Variants in PDS5B observed in about 807,000 individuals in gnomAD.
PDS5B encodes the protein sister chromatid cohesion protein PDS5 homolog B.
In PDS5B, 51 loss-of-function variants were observed where a neutral mutation model predicts 184.1. The ratio of observed to expected loss-of-function variants is 0.28; its 90% CI spans 0.22 to 0.35. The LOEUF (loss-of-function observed/expected upper bound fraction) is 0.35. Ranked by LOEUF, PDS5B falls within the 10% of genes least tolerant of loss-of-function variation. The pLI, the probability that PDS5B is intolerant of heterozygous loss-of-function variation, is 1.00. For synonymous variants in PDS5B, 566 were observed against 569.2 expected (o/e 0.99, Z 0.08); for missense variants, 1,180 against 1,723.3 (o/e 0.68, Z 5.58).
rs528584710 is a variant in PDS5B, at chr13:32,732,869, G to A, written c.2247+645G>A. Among the ~76,000 whole-genome samples the A allele has an allele frequency of 2.0e-5, 3 of 152,196 alleles. No individual in the cohort carries two copies. In the East Asian group the frequency reaches 5.8e-4, roughly 29 times the overall value. ...AATTTTAGTTCAAGAGCCTTGAGTA[G>A]AGTCAAAACAATTTAGAAATTATTC... On this transcript the variant is annotated intron_variant, in intron 20 of 34. Coordinates refer to ENST00000315596, the MANE Select transcript of PDS5B (RefSeq NM_015032.4).
intron 1 of PDS5B, among the ~76,000 whole-genome samples, chr13:32,592,846 G>C (rs2057798010): frequency 6.6e-6 from 1 of 152,162 alleles, no homozygotes; most frequent in Admixed American, 6.5e-5. Flanking sequence ...AGTCAAGACA[G>C]CTTGGGTTTT....
intron 1 of PDS5B, among the ~76,000 whole-genome samples, chr13:32,607,850 C>T (rs1220404539): frequency 6.6e-6 from 1 of 152,216 alleles, no homozygotes; most frequent in Non-Finnish European, 1.5e-5. Flanking sequence ...GGGTGTGGGA[C>T]CCGCTGAGCC....
At chr13:32,753,859 A>T (rs576810385) in intron 25 of PDS5B, among the ~76,000 whole-genome samples, 1 of 152,298 alleles carries the variant, frequency 6.6e-6, no homozygotes, top group East Asian at 1.9e-4. Flanking sequence ...GGAAAAAAGT[A>T]CAAGACTTTG....
intron 24 of PDS5B, among the ~76,000 whole-genome samples, chr13:32,748,773 A>G (rs183999522): frequency 3.8e-4 from 58 of 152,298 alleles, no homozygotes; most frequent in Non-Finnish European, 6.8e-4. Context: ...AAGAGCCTAT[A>G]TAAGTGTTAA....
intron 31 of PDS5B, among the ~76,000 whole-genome samples, chr13:32,766,009 A>G (rs1002123387): frequency 6.6e-6 from 1 of 152,250 alleles, no homozygotes; most frequent in African/African-American, 2.4e-5. Flanking sequence ...AGAATTGATC[A>G]CTTAGCTTGG....
At chr13:32,739,048 T>C (rs1212598077) in intron 21 of PDS5B, among the ~76,000 whole-genome samples, 3 of 152,222 alleles carry the variant, frequency 2.0e-5, no homozygotes, top group African/African-American at 7.2e-5. Flanking sequence ...TTACATCTTA[T>C]TTAAGAAATC....
At chr13:32,774,254 G>T (rs1954885753) in intron 34 of PDS5B, among the ~76,000 whole-genome samples, 1 of 152,142 alleles carries the variant, frequency 6.6e-6, no homozygotes, top group Non-Finnish European at 1.5e-5. Context: ...CTCAGAATTG[G>T]TCTCTGCTGT....
chr13:32,705,133 T>C (rs1951971176), intron 17 of PDS5B, among the ~76,000 whole-genome samples: 1 of 152,206 alleles, frequency 6.6e-6, no homozygotes, highest in South Asian at 2.1e-4. Context: ...TGGCCTTTTT[T>C]TGTAGTCCAT....
intron 23 of PDS5B, among the ~76,000 whole-genome samples, chr13:32,744,361 A>AT (rs1953670781): frequency 6.6e-6 from 1 of 152,110 alleles, no homozygotes; most frequent in Admixed American, 6.6e-5. Flanking sequence ...TGGAATAAGA[A>AT]TTTTTTCTGG....
chr13:32,686,774 C>T (rs1034325175), intron 11 of PDS5B, among the ~76,000 whole-genome samples: 1 of 150,220 alleles, frequency 6.7e-6, no homozygotes, highest in African/African-American at 2.5e-5. Context: ...AACAGAGATC[C>T]TGTCTCTAAA....
At chr13:32,606,323 T>A (rs920611284) in intron 1 of PDS5B, among the ~76,000 whole-genome samples, 3 of 152,212 alleles carry the variant, frequency 2.0e-5, no homozygotes, top group African/African-American at 7.2e-5. Context: ...CCTTCACTTA[T>A]GAAGCTTAGT....
chr13:32,775,158 C>T lies in PDS5B; in HGVS notation c.*106C>T. 1 of 931,542 alleles carries T rather than the reference C, an allele frequency of 1.1e-6. No homozygotes were observed. The allele number at this position is 931,542 out of a possible 1,614,324, so 57.7% of individuals were successfully genotyped here. ...AAAGCCTTTGATGCACAAAATGGGA[C>T]TGCTGAAGAGTGGACAGTTGGACCT... On this transcript the variant is annotated 3_prime_UTR_variant, in exon 35 of 35. Transcript: ENST00000315596.
At chr13:32,726,796 A>G (rs922476187) in intron 19 of PDS5B, among the ~76,000 whole-genome samples, 3 of 152,012 alleles carry the variant, frequency 2.0e-5, no homozygotes, top group Non-Finnish European at 4.4e-5. Context: ...ACACTTGTAA[A>G]TCTCCGTGCT....
At chr13:32,725,287 G>T (rs1207174841) in intron 19 of PDS5B, among the ~76,000 whole-genome samples, 1 of 152,110 alleles carries the variant, frequency 6.6e-6, no homozygotes, top group African/African-American at 2.4e-5. Flanking sequence ...ACGGGTTTAC[G>T]CATATTTGTG....
At chr13:32,586,900 C>G (rs1393493310) in intron 1 of PDS5B, among the ~76,000 whole-genome samples, 1 of 140,442 alleles carries the variant, frequency 7.1e-6, no homozygotes, top group African/African-American at 2.6e-5. Context: ...TTAAACTTGC[C>G]GCTCTGATCC....
At chr13:32,743,342 A>G (rs1487338552) in intron 23 of PDS5B, among the ~76,000 whole-genome samples, 2 of 152,000 alleles carry the variant, frequency 1.3e-5, no homozygotes, top group African/African-American at 4.8e-5. Context: ...GGTAATAATT[A>G]TGTGTACCTG....
rs1951812721 is a variant in PDS5B, at chr13:32,699,713, CTTTAA to C, written c.1601-12_1601-8del. The C allele has an allele frequency of 7.1e-7, 1 of 1,404,490 alleles. No individual in the cohort carries two copies. The highest frequency in any genetic ancestry group is 9.4e-7 in the Non-Finnish European group (1 of 1,064,104). The allele number at this position is 1,404,490 out of a possible 1,614,324, so 87.0% of individuals were successfully genotyped here. ...TTAAAAAAAATTGATTTTAATTGAA[CTTTAA>C]TTTATTTTAAGGAAATTTACCTGAT... is the stretch of plus-strand genomic sequence containing the variant. On this transcript the variant is annotated splice_polypyrimidine_tract_variant and intron_variant, in intron 15 of 34. Coordinates refer to ENST00000315596, the MANE Select transcript of PDS5B (RefSeq NM_015032.4).
intron 19 of PDS5B, among the ~76,000 whole-genome samples, chr13:32,722,700 T>C (rs1408064695): frequency 6.6e-6 from 1 of 152,176 alleles, no homozygotes; most frequent in Non-Finnish European, 1.5e-5. Context: ...AAGAGAAAAA[T>C]GTTGCATTGG....
intron 1 of PDS5B, among the ~76,000 whole-genome samples, chr13:32,627,804 G>C (rs553351329): frequency 1.3e-5 from 2 of 152,142 alleles, no homozygotes; most frequent in African/African-American, 4.8e-5. Context: ...TGAGAGTTGG[G>C]TCATCTAATT....
Sources: gnomAD v4.1 joint callset for allele counts (sites outside exome capture counted in the v4.1 genomes callset) on GRCh38, gnomAD v4.1.1 for gene constraint, MANE v1.5 for transcripts, NCBI Gene and HGNC (gene_info 2026-07-23, HGNC 2026-07-21) for gene names.